Variants in ZSCAN5A observed in about 807,000 individuals in gnomAD.
The protein encoded by ZSCAN5A is zinc finger and SCAN domain-containing protein 5A.
In ZSCAN5A, 12 loss-of-function variants were observed where a neutral mutation model predicts 23.7. The observed-to-expected ratio is 0.51, with a 90% CI of 0.32 to 0.82. ZSCAN5A has a LOEUF of 0.82. ZSCAN5A is among the 40% of genes least tolerant of loss of function. ZSCAN5A has a pLI of 0.03. For missense variants in ZSCAN5A, 597 were observed against 617.9 expected (o/e 0.97, Z 0.36); for synonymous variants, 257 against 239.9 (o/e 1.07, Z -0.66).
At position 56,342,981 on chromosome 19, in the gene ZSCAN5A, T is replaced by C. The variant is rs59615780; in HGVS notation, c.-358+20254A>G. The C allele has an allele frequency of 5.1e-3, 4,417 of 871,562 alleles. 126 individuals are homozygous for C. The African/African-American group carries it at 0.064, about 13-fold the overall frequency. The allele number at this position is 871,562 out of a possible 1,614,324, so 54.0% of individuals were successfully genotyped here. A position where few individuals can be genotyped will look rare whatever the true frequency, so the allele number is the denominator to read the frequency against. ...CCCATTTTCAAAAATACTTCACTTC[T>C]GCCTCCAATCGTCTTTTCAGAAGTC... is the stretch of plus-strand genomic sequence containing the variant. On this transcript the variant is annotated intron_variant, in intron 2 of 6. Coordinates refer to the ZSCAN5A transcript ENST00000587340.
intron 2 of ZSCAN5A, among the ~76,000 whole-genome samples, chr19:56,339,289 C>T (rs563364731): frequency 1.1e-4 from 16 of 151,880 alleles, no homozygotes; most frequent in South Asian, 2.1e-4. Context: ...TAGCAATATG[C>T]GAAGGAGCGG....
intron 2 of ZSCAN5A, 135 bp from the exon 3 acceptor site, chr19:56,225,308 A>AC: frequency 1.4e-6 from 1 of 715,206 alleles, no homozygotes; most frequent in Non-Finnish European, 2.0e-6. Flanking sequence ...CAGTGTCTAT[A>AC]CCTGACTACA....
intron 2 of ZSCAN5A, among the ~76,000 whole-genome samples, chr19:56,267,161 C>T (rs1056573270): frequency 1.3e-5 from 2 of 152,160 alleles, no homozygotes; most frequent in Non-Finnish European, 2.9e-5. Flanking sequence ...TCAACCCCAT[C>T]GGTCTCTAAC....
Position 56,246,976 on chromosome 19 carries a change from G to C in ZSCAN5A, c.-127-21803C>G, listed in dbSNP as rs776914201. ...CAACAGCGAATCCCCAGGAAAACCTGAGATAAATTCAGTTTATTCCCCAGG... is the reference window on the plus strand; with the variant it reads ...CAACAGCGAATCCCCAGGAAAACCTCAGATAAATTCAGTTTATTCCCCAGG... On this transcript the variant is annotated intron_variant, in intron 2 of 5. Transcript: ENST00000683990. The C allele has an allele frequency of 4.9e-6, 7 of 1,437,780 alleles. No individual in the cohort carries two copies. In the South Asian group the frequency reaches 8.0e-5, roughly 16 times the overall value. The allele number at this position is 1,437,780 out of a possible 1,614,324, so 89.1% of individuals were successfully genotyped here. A position where few individuals can be genotyped will look rare whatever the true frequency, so the allele number is the denominator to read the frequency against.
chr19:56,266,984 CTTCT>C (rs2037522759), intron 2 of ZSCAN5A, among the ~76,000 whole-genome samples: 1 of 152,152 alleles, frequency 6.6e-6, no homozygotes, highest in Non-Finnish European at 1.5e-5. Context: ...CCACAATGAT[CTTCT>C]TTCTGCGTGT....
intron 2 of ZSCAN5A, chr19:56,272,834 C>A: frequency 1.0e-6 from 1 of 984,472 alleles, no homozygotes; most frequent in Non-Finnish European, 1.2e-6. Flanking sequence ...CCAGCCCCAT[C>A]ATGCACAGAT....
At chr19:56,296,416 G>A (rs1011864496) in intron 2 of ZSCAN5A, 3 of 140,516 alleles carry the variant, frequency 2.1e-5, no homozygotes, top group Non-Finnish European at 3.1e-5. Context: ...AAATATACAG[G>A]TACTGGTTTT....
chr19:56,325,549 C>A (rs1223072748), intron 2 of ZSCAN5A, among the ~76,000 whole-genome samples: 1 of 152,114 alleles, frequency 6.6e-6, no homozygotes, highest in African/African-American at 2.4e-5. Flanking sequence ...CCTTTTATCC[C>A]TGCCTGAAAA....
At chr19:56,342,309 C>CAAA (rs33977976) in intron 2 of ZSCAN5A, 27 of 148,730 alleles carry the variant, frequency 1.8e-4, no homozygotes, top group African/African-American at 5.2e-4. Flanking sequence ...AGCTGTCTTA[C>CAAA]AAAAAAAAAA....
chr19:56,244,337 G>A, intron 2 of ZSCAN5A: 1 of 1,604,858 alleles, frequency 6.2e-7, no homozygotes, highest in Non-Finnish European at 8.5e-7. Flanking sequence ...CATGCCCCAG[G>A]AGCTCCAGGT....
chr19:56,259,311 G>A (rs1259940433), intron 2 of ZSCAN5A, among the ~76,000 whole-genome samples: 1 of 152,060 alleles, frequency 6.6e-6, no homozygotes, highest in Non-Finnish European at 1.5e-5. Flanking sequence ...CAATCCACCA[G>A]CCTCGGACTC....
chr19:56,258,764 G>A (rs1226762819), intron 2 of ZSCAN5A, among the ~76,000 whole-genome samples: 1 of 152,162 alleles, frequency 6.6e-6, no homozygotes, highest in Non-Finnish European at 1.5e-5. Context: ...CCTTGCATCT[G>A]GGCAGGGCTG....
intron 2 of ZSCAN5A, among the ~76,000 whole-genome samples, chr19:56,325,753 G>A (rs1294761951): frequency 6.6e-6 from 1 of 151,418 alleles, no homozygotes; most frequent in African/African-American, 2.4e-5. Context: ...TGTTGTTGCT[G>A]TTTTCAGGAT....
chr19:56,343,501 C>T (rs1374927447), intron 2 of ZSCAN5A: 8 of 426,100 alleles, frequency 1.9e-5, no homozygotes, highest in East Asian at 1.3e-4. Context: ...CCAATTCTAC[C>T]AAATGCCAGA....
chr19:56,287,041 G>A (rs989451068), intron 2 of ZSCAN5A, among the ~76,000 whole-genome samples: 72 of 152,356 alleles, frequency 4.7e-4, no homozygotes, highest in African/African-American at 1.7e-3. Flanking sequence ...GGGAGCTGGT[G>A]AAAGTGGATT....
chr19:56,244,340 C>G, intron 2 of ZSCAN5A: 1 of 1,604,058 alleles, frequency 6.2e-7, no homozygotes, highest in Non-Finnish European at 8.5e-7. Context: ...GCCCCAGGAG[C>G]TCCAGGTCTT....
intron 2 of ZSCAN5A, chr19:56,297,690 G>A: frequency 5.6e-6 from 1 of 179,014 alleles, no homozygotes; most frequent in Non-Finnish European, 1.1e-5. Flanking sequence ...TCCAAAGTCT[G>A]CAAGCCACTG....
At chr19:56,325,907 A>C (rs2041427972) in intron 2 of ZSCAN5A, among the ~76,000 whole-genome samples, 1 of 151,994 alleles carries the variant, frequency 6.6e-6, no homozygotes, top group Non-Finnish European at 1.5e-5. Context: ...TAGAGTGTAC[A>C]ATGGGATGTC....
chr19:56,292,471 T>A (rs905453061), intron 2 of ZSCAN5A, among the ~76,000 whole-genome samples: 3 of 151,488 alleles, frequency 2.0e-5, no homozygotes, highest in African/African-American at 7.3e-5. Flanking sequence ...TTTTTTTTTT[T>A]ACTTTTTTGT....
Sources: allele counts gnomAD v4.1 joint callset (sites outside exome capture counted in the v4.1 genomes callset), GRCh38; gene constraint gnomAD v4.1.1; transcripts MANE v1.5; gene names NCBI Gene and HGNC (gene_info 2026-07-23, HGNC 2026-07-21).